NCAM2: variants seen among roughly 807,000 people sequenced by gnomAD.
NCAM2 encodes the protein N-CAM-2.
A neutral mutation model predicts 98.1 loss-of-function variants in NCAM2; 30 were observed. The ratio of observed to expected loss-of-function variants is 0.31; its 90% CI spans 0.23 to 0.41. The LOEUF (loss-of-function observed/expected upper bound fraction) is 0.41, where lower values mean the gene tolerates loss of function less well. Ranked by LOEUF, NCAM2 falls within the 10% of genes least tolerant of loss-of-function variation. The pLI is 1.00. For missense variants in NCAM2, 867 were observed against 1,005.8 expected, an observed-to-expected ratio of 0.86 and a Z score of 1.87; for synonymous variants, 368 against 342.4, an observed-to-expected ratio of 1.07 and a Z score of -0.83.
At chr21:21,261,862 C>T (rs543780612) in intron 1 of NCAM2, among the ~76,000 whole-genome samples, 6 of 151,776 alleles carry the variant, frequency 4.0e-5, no homozygotes, top group Admixed American at 3.3e-4. Context: ...GCAAAGGTCA[C>T]GGAAGAAATG....
chr21:21,540,292 T>TAC lies in NCAM2; in HGVS notation c.*2337_*2338dup, dbSNP rs1990181145. ...ACATATATATATATACACATATATA[T>TAC]ACATATATATATATGATGTTAAATT... On this transcript the variant is annotated 3_prime_UTR_variant, in exon 18 of 18. Transcript: ENST00000400546. 11 of 109,928 alleles carry TAC rather than the reference T, an allele frequency of 1.0e-4. No homozygotes were observed. Among genetic ancestry groups the TAC allele is most frequent in the Admixed American group, 6.6e-4 (7 of 10,578 alleles). The allele number at this position is 109,928 out of a possible 1,614,324, so 6.8% of individuals were successfully genotyped here. A position where few individuals can be genotyped will look rare whatever the true frequency, so the allele number is the denominator to read the frequency against.
chr21:21,373,477 A>G (rs1446020876), intron 8 of NCAM2, among the ~76,000 whole-genome samples: 1 of 151,892 alleles, frequency 6.6e-6, no homozygotes, highest in Non-Finnish European at 1.5e-5. Context: ...AAAGCACAGG[A>G]TATTGTGGAG....
intron 11 of NCAM2, among the ~76,000 whole-genome samples, chr21:21,419,766 G>A (rs573576232): frequency 1.3e-5 from 2 of 152,142 alleles, no homozygotes; most frequent in South Asian, 4.2e-4. Flanking sequence ...ATCATTGCTG[G>A]ACACTTGGGT....
intron 1 of NCAM2, among the ~76,000 whole-genome samples, chr21:21,131,288 G>GGA (rs1380054313): frequency 6.7e-6 from 1 of 148,414 alleles, no homozygotes; most frequent in African/African-American, 2.5e-5. Context: ...CTGGGGGGGG[G>GGA]CTTTAATTTT....
intron 9 of NCAM2, among the ~76,000 whole-genome samples, chr21:21,397,398 G>A (rs552384086): frequency 6.6e-6 from 1 of 152,294 alleles, no homozygotes; most frequent in South Asian, 2.1e-4. Context: ...GTGCCTATAG[G>A]CCCCTGCTGA....
intron 9 of NCAM2, among the ~76,000 whole-genome samples, chr21:21,384,726 A>G (rs1014451650): frequency 1.3e-5 from 2 of 152,050 alleles, no homozygotes; most frequent in Non-Finnish European, 2.9e-5. Context: ...ACGATGATAG[A>G]AAATTCACTT....
chr21:21,025,301 G>A (rs1017515225), intron 1 of NCAM2, among the ~76,000 whole-genome samples: 8 of 152,058 alleles, frequency 5.3e-5, no homozygotes, highest in African/African-American at 1.9e-4. Flanking sequence ...TAGCCAGGAT[G>A]GTCTCAATCT....
intron 1 of NCAM2, among the ~76,000 whole-genome samples, chr21:21,095,810 G>A (rs1428636713): frequency 6.6e-6 from 1 of 151,536 alleles, no homozygotes; most frequent in Non-Finnish European, 1.5e-5. Flanking sequence ...TAGCTTTCAT[G>A]AAGTGTCTTT....
At chr21:21,118,397 AG>A (rs1395966609) in intron 1 of NCAM2, among the ~76,000 whole-genome samples, 2 of 152,184 alleles carry the variant, frequency 1.3e-5, no homozygotes, top group Non-Finnish European at 2.9e-5. Flanking sequence ...TAGTTCAGGA[AG>A]GAGAGAGGAG....
intron 1 of NCAM2, among the ~76,000 whole-genome samples, chr21:21,128,980 A>G (rs2066882455): frequency 6.6e-6 from 1 of 152,206 alleles, no homozygotes. Flanking sequence ...GAAATGAGTT[A>G]AAACGACAGC....
intron 1 of NCAM2, among the ~76,000 whole-genome samples, chr21:21,266,472 C>G (rs962213523): frequency 2.6e-5 from 4 of 151,930 alleles, no homozygotes; most frequent in Non-Finnish European, 4.4e-5. Context: ...GGAACCAACC[C>G]AAATGTCCAT....
chr21:21,472,058 G>A (rs1984508884), intron 14 of NCAM2, among the ~76,000 whole-genome samples: 1 of 152,024 alleles, frequency 6.6e-6, no homozygotes, highest in African/African-American at 2.4e-5. Flanking sequence ...TACTTATAGT[G>A]TCAATGTAAC....
intron 17 of NCAM2, 23 bp downstream of exon 17, chr21:21,534,679 T>C: frequency 6.5e-7 from 1 of 1,546,050 alleles, no homozygotes; most frequent in Non-Finnish European, 8.7e-7. Flanking sequence ...GAGTGCTCAC[T>C]TATGTTCAAA....
chr21:21,104,717 A>C (rs548744380), intron 1 of NCAM2, among the ~76,000 whole-genome samples: 1 of 152,128 alleles, frequency 6.6e-6, no homozygotes, highest in Non-Finnish European at 1.5e-5. Flanking sequence ...ACAAGCTACT[A>C]AGAGTCTTTA....
intron 1 of NCAM2, among the ~76,000 whole-genome samples, chr21:21,100,266 A>G (rs2066213354): frequency 6.6e-6 from 1 of 151,988 alleles, no homozygotes; most frequent in South Asian, 2.1e-4. Context: ...GCATGAGGTT[A>G]AAGAGATTAT....
chr21:21,165,686 T>A (rs1010225718), intron 1 of NCAM2, among the ~76,000 whole-genome samples: 1 of 152,220 alleles, frequency 6.6e-6, no homozygotes, highest in African/African-American at 2.4e-5. Flanking sequence ...AAAACTATCA[T>A]ATTTTCCTGA....
rs1984048340 is a variant in NCAM2, at chr21:21,468,729, C to T, written c.1842C>T (p.Thr614=). ...SSGKSFKLSI[T]KQDDGGAPIL... is the part of the protein sequence containing the mutation. ...GAAAGAGCTTTAAACTCAGCATCACCAAACAGGACGATGGAGGGGCCCCTA... is the reference window on the plus strand; with the variant it reads ...GAAAGAGCTTTAAACTCAGCATCACTAAACAGGACGATGGAGGGGCCCCTA... Residue 614 remains threonine, a synonymous_variant, in exon 14 of 18, where the codon ACC becomes ACT. Transcript: ENST00000400546. The T allele has an allele frequency of 2.5e-6, 4 of 1,611,852 alleles. No individual in the cohort carries two copies. The highest frequency in any genetic ancestry group is 3.4e-6 in the Non-Finnish European group (4 of 1,178,626).
intron 6 of NCAM2, 135 bp downstream of exon 6, chr21:21,324,635 C>A (rs1474556688): frequency 3.1e-6 from 2 of 655,018 alleles, no homozygotes; most frequent in Non-Finnish European, 5.3e-6. Flanking sequence ...CTGGTGCTAT[C>A]TTTGGGGCTT....
intron 1 of NCAM2, among the ~76,000 whole-genome samples, chr21:21,273,736 A>AT (rs2072615931): frequency 1.3e-5 from 2 of 152,060 alleles, no homozygotes; most frequent in African/African-American, 4.8e-5. Flanking sequence ...TAGGGAGATA[A>AT]TTTTTTAATA....
Sources: gnomAD v4.1 joint callset for allele counts (sites outside exome capture counted in the v4.1 genomes callset) on GRCh38, gnomAD v4.1.1 for gene constraint, MANE v1.5 for transcripts, NCBI Gene and HGNC (gene_info 2026-07-23, HGNC 2026-07-21) for gene names.